Variants in LMAN1 observed in about 807,000 individuals in gnomAD.
LMAN1 encodes the protein protein ERGIC-53.
In LMAN1, 32 loss-of-function variants were observed where a neutral mutation model predicts 67.8. The ratio of observed to expected loss-of-function variants is 0.47; its 90% CI spans 0.36 to 0.63. The LOEUF (loss-of-function observed/expected upper bound fraction) is 0.63, where lower values mean the gene tolerates loss of function less well. Among genes scored for constraint, LMAN1 ranks in the 30% least tolerant of loss-of-function variants. The pLI, the probability that LMAN1 is intolerant of heterozygous loss-of-function variation, is 0.00. For synonymous variants in LMAN1, 235 were observed against 219.3 expected, an observed-to-expected ratio of 1.07 and a Z score of -0.63; for missense variants, 632 against 628.2, an observed-to-expected ratio of 1.01 and a Z score of -0.06.
chr18:59,330,369 C>T lies in LMAN1; in HGVS notation c.*724G>A, dbSNP rs947715022. The T allele has an allele frequency of 2.0e-5, 3 of 152,464 alleles. No individual in the cohort carries two copies. The highest frequency in any genetic ancestry group is 2.9e-5 in the Non-Finnish European group (2 of 68,014). The allele number at this position is 152,464 out of a possible 1,614,324, so 9.4% of individuals were successfully genotyped here. ...GAATGAAGACATTCAAGAATATGGG[C>T]AATCATGAATGAATACATTACCAGG... On this transcript the variant is annotated 3_prime_UTR_variant, in exon 13 of 13. Coordinates refer to ENST00000251047, the MANE Select transcript of LMAN1 (RefSeq NM_005570.4).
intron 1 of LMAN1, among the ~76,000 whole-genome samples, chr18:59,356,868 T>G (rs1387142285): frequency 6.6e-6 from 1 of 152,228 alleles, no homozygotes. Context: ...GTGAAAGAAC[T>G]CTGAGAGCTA....
chr18:59,340,360 T>C (rs1908260219), intron 8 of LMAN1, among the ~76,000 whole-genome samples: 1 of 152,132 alleles, frequency 6.6e-6, no homozygotes, highest in South Asian at 2.1e-4. Context: ...CTAAAGTCAA[T>C]GTGAAATAAT....
chr18:59,344,560 A>C (rs1908358345), intron 8 of LMAN1, among the ~76,000 whole-genome samples: 1 of 152,188 alleles, frequency 6.6e-6, no homozygotes, highest in African/African-American at 2.4e-5. Flanking sequence ...ATGACTTAGA[A>C]AGTCAAATAC....
At chr18:59,347,428 A>T (rs1410105262) in intron 7 of LMAN1, 85 bp downstream of exon 7, 1 of 916,474 alleles carries the variant, frequency 1.1e-6, no homozygotes, top group Non-Finnish European at 1.7e-6. Flanking sequence ...CAGAAACAAG[A>T]TCCAAACCTA....
intron 1 of LMAN1, among the ~76,000 whole-genome samples, chr18:59,357,386 T>C (rs568101392): frequency 1.1e-4 from 17 of 152,262 alleles, no homozygotes; most frequent in African/African-American, 3.4e-4. Flanking sequence ...AGAAAAGGGA[T>C]AGAAGAACAG....
At chr18:59,338,416 T>C (rs968254091) in intron 10 of LMAN1, 141 bp downstream of exon 10, 4 of 708,208 alleles carry the variant, frequency 5.6e-6, no homozygotes, top group African/African-American at 1.8e-5. Flanking sequence ...GTATTTATGG[T>C]CCCCTATTTG....
At chr18:59,334,140 G>A (rs1908090502) in intron 10 of LMAN1, among the ~76,000 whole-genome samples, 1 of 152,172 alleles carries the variant, frequency 6.6e-6, no homozygotes, top group African/African-American at 2.4e-5. Context: ...AAACCTCACA[G>A]AGTATGTAAC....
chr18:59,333,531 GGAT>G (rs2144209635), intron 10 of LMAN1: 1 of 315,622 alleles, frequency 3.2e-6, no homozygotes, highest in South Asian at 3.6e-5. Flanking sequence ...TGAATATAAT[GGAT>G]GATATTTTTA....
In LMAN1 at chr18:59,340,840, G is replaced by C. The variant is rs1908270746; in HGVS notation, c.956-1887C>G. Among the ~76,000 whole-genome samples the C allele has an allele frequency of 2.6e-5, 4 of 152,130 alleles. No homozygotes were observed. The South Asian group carries it at 8.3e-4, about 32-fold the overall frequency. ...ATTTATAAGACAACTTGAAAATAATGAACAATATGACAAGAACAAAGCCTC... is the reference window on the plus strand; with the variant it reads ...ATTTATAAGACAACTTGAAAATAATCAACAATATGACAAGAACAAAGCCTC... On this transcript the variant is annotated intron_variant, in intron 8 of 12. Transcript: ENST00000251047.
intron 1 of LMAN1, among the ~76,000 whole-genome samples, chr18:59,356,609 A>G (rs1908665360): frequency 6.6e-6 from 1 of 152,196 alleles, no homozygotes; most frequent in Admixed American, 6.5e-5. Flanking sequence ...ACAAAAAGGA[A>G]AGCTGAGATA....
intron 10 of LMAN1, 127 bp from the exon 11 acceptor site, chr18:59,333,371 G>T: frequency 2.9e-6 from 2 of 694,492 alleles, no homozygotes; most frequent in Non-Finnish European, 4.7e-6. Context: ...AACAGGTAAA[G>T]TATCTTTAAA....
In LMAN1 at chr18:59,328,653, TC is replaced by T. The variant is rs964683266; in HGVS notation, c.*2439del. ...CTGAGGTGCCTATTGAACAATGACA[TC>T]CCAAAGCCCCACCCCTAAGATTTGA... On this transcript the variant is annotated 3_prime_UTR_variant, in exon 13 of 13. Coordinates refer to ENST00000251047, the MANE Select transcript of LMAN1 (RefSeq NM_005570.4). 5 of 151,976 alleles carry T rather than the reference TC, an allele frequency of 3.3e-5. No homozygotes were observed. The highest frequency in any genetic ancestry group is 9.7e-5 in the African/African-American group (4 of 41,380). 9.4% of individuals were successfully genotyped at this position (151,976 alleles called of 1,614,324 possible).
Position 59,357,876 on chromosome 18 carries a change from T to G in LMAN1, c.214+1155A>C, listed in dbSNP as rs148264428. Among the ~76,000 whole-genome samples, 437 of 150,112 alleles carry G rather than the reference T, an allele frequency of 2.9e-3. 2 individuals carry two copies. The highest frequency in any genetic ancestry group is 0.01 in the African/African-American group (417 of 40,676). On this transcript the variant is annotated intron_variant, in intron 1 of 12. Coordinates refer to ENST00000251047, the MANE Select transcript of LMAN1 (RefSeq NM_005570.4). ...GGAGATATACCTAATGTTAAATGAC[T>G]AGTTAATGGGTGCAGCACACCAACA... is the stretch of plus-strand genomic sequence containing the variant.
chr18:59,346,197 T>C (rs1026704967), intron 7 of LMAN1, 146 bp from the exon 8 acceptor site: 7 of 489,630 alleles, frequency 1.4e-5, no homozygotes, highest in African/African-American at 6.2e-5. Context: ...ACTTAAACGA[T>C]AGCAAATTAC....
intron 8 of LMAN1, among the ~76,000 whole-genome samples, chr18:59,341,024 A>T (rs1908275316): frequency 6.6e-6 from 1 of 152,208 alleles, no homozygotes; most frequent in African/African-American, 2.4e-5. Flanking sequence ...AAGAGGTGGA[A>T]AATAATAGTC....
intron 8 of LMAN1, among the ~76,000 whole-genome samples, chr18:59,340,080 C>A (rs778981727): frequency 2.0e-4 from 30 of 152,150 alleles, no homozygotes; most frequent in Admixed American, 3.3e-4. Context: ...GCTCATGACA[C>A]CTGACTAGGA....
In LMAN1 at chr18:59,327,999, A is replaced by G. The variant is rs1340764220; in HGVS notation, c.*3094T>C. ...CATAAAAGAAATATATTAAACAAGC[A>G]ACAGACAGATCTAAAAAGTTCCAAG... is the stretch of plus-strand genomic sequence containing the variant. On this transcript the variant is annotated 3_prime_UTR_variant, in exon 13 of 13. Coordinates refer to ENST00000251047, the MANE Select transcript of LMAN1 (RefSeq NM_005570.4). 1 of 152,212 alleles carries G rather than the reference A, an allele frequency of 6.6e-6. No homozygotes were observed. The allele number at this position is 152,212 out of a possible 1,614,324, so 9.4% of individuals were successfully genotyped here.
intron 10 of LMAN1, among the ~76,000 whole-genome samples, chr18:59,336,110 C>T (rs983828934): frequency 3.3e-5 from 5 of 152,154 alleles, no homozygotes; most frequent in African/African-American, 7.2e-5. Context: ...TTGACAGACA[C>T]GGAACTACAG....
Position 59,341,414 on chromosome 18 carries a change from C to T in LMAN1, c.956-2461G>A, listed in dbSNP as rs565453594. On this transcript the variant is annotated intron_variant, in intron 8 of 12. Transcript: ENST00000251047. ...ATGGAATATACATTCTTTTCACCAG[C>T]ACATAGAAGACTCTCCGACACAGGA... Among the ~76,000 whole-genome samples, 18 of 152,216 alleles carry T rather than the reference C, an allele frequency of 1.2e-4. No individual in the cohort carries two copies. In the East Asian group the frequency reaches 3.1e-3, roughly 26 times the overall value.
Sources: gnomAD v4.1 joint callset for allele counts (sites outside exome capture counted in the v4.1 genomes callset) on GRCh38, gnomAD v4.1.1 for gene constraint, MANE v1.5 for transcripts, NCBI Gene and HGNC (gene_info 2026-07-23, HGNC 2026-07-21) for gene names.